DENND2B: variants seen among roughly 807,000 people sequenced by gnomAD.
The protein encoded by DENND2B is DENN domain containing 2B.
DENND2B carries 32 observed loss-of-function variants against 116.0 expected under a neutral mutation model. That is an observed-to-expected ratio of 0.28 (90% CI 0.21 to 0.37). The LOEUF (loss-of-function observed/expected upper bound fraction) is 0.37. Ranked by LOEUF, DENND2B falls within the 10% of genes least tolerant of loss-of-function variation. The pLI is 1.00. For synonymous variants in DENND2B, 588 were observed against 583.9 expected, an observed-to-expected ratio of 1.01 and a Z score of -0.10; for missense variants, 1,276 against 1,477.7, an observed-to-expected ratio of 0.86 and a Z score of 2.24.
Position 8,799,561 on chromosome 11 carries a change from C to CTTTT in DENND2B, c.-26+10952_-26+10955dup, listed in dbSNP as rs67190732. ...ACTCATGTACCATCCTCCTTTTTCTCTTTTTTTTTTTTTTTTTTTTTTAAG... is the reference window on the plus strand; with the variant it reads ...ACTCATGTACCATCCTCCTTTTTCTCTTTTTTTTTTTTTTTTTTTTTTTTTTAAG... On this transcript the variant is annotated intron_variant, in intron 1 of 19. Coordinates refer to ENST00000313726, the MANE Select transcript of DENND2B (RefSeq NM_213618.2). 2.1e-3 allele frequency among the ~76,000 whole-genome samples: 235 copies of CTTTT among 114,026 alleles called. 1 individual carries two copies. Among genetic ancestry groups the CTTTT allele is most frequent in the African/African-American group, 7.2e-3 (226 of 31,350 alleles). 74.8% of individuals were successfully genotyped at this position (114,026 alleles called of 152,430 possible).
intron 1 of DENND2B, among the ~76,000 whole-genome samples, chr11:8,774,457 C>T (rs550926357): frequency 6.6e-6 from 1 of 152,274 alleles, no homozygotes; most frequent in South Asian, 2.1e-4. Flanking sequence ...TTACAGGGAT[C>T]CATCAGAAGG....
At chr11:8,885,962 C>A (rs931558705) in intron 1 of DENND2B, among the ~76,000 whole-genome samples, 2 of 151,700 alleles carry the variant, frequency 1.3e-5, no homozygotes, top group Admixed American at 6.6e-5. Flanking sequence ...GGGGGGAGAA[C>A]AGAGTTTCAG....
intron 1 of DENND2B, among the ~76,000 whole-genome samples, chr11:8,887,612 T>G (rs2090239260): frequency 1.3e-5 from 2 of 152,314 alleles, no homozygotes; most frequent in South Asian, 4.1e-4. Flanking sequence ...ACCAGCCACA[T>G]GTTCTATTCA....
chr11:8,801,995 GAAAAAAAA>G (rs35017643), intron 1 of DENND2B, among the ~76,000 whole-genome samples: 1 of 58,910 alleles, frequency 1.7e-5, no homozygotes, highest in Non-Finnish European at 3.0e-5. Flanking sequence ...CTCTCTTGGG[GAAAAAAAA>G]AAAAAAAAAA....
intron 2 of DENND2B, among the ~76,000 whole-genome samples, chr11:8,747,771 C>A (rs769767798): frequency 9.2e-5 from 14 of 152,196 alleles, no homozygotes; most frequent in Non-Finnish European, 1.8e-4. Context: ...AAAACTGAGG[C>A]AGTCACATGA....
At chr11:8,718,250 C>A (rs2045421118) in intron 4 of DENND2B, 6 of 1,068,238 alleles carry the variant, frequency 5.6e-6, no homozygotes, top group African/African-American at 4.7e-5. Flanking sequence ...TGGCTCCCTT[C>A]CCTCTGCTGC....
intron 1 of DENND2B, among the ~76,000 whole-genome samples, chr11:8,804,184 C>G (rs2060613300): frequency 6.6e-6 from 1 of 152,218 alleles, no homozygotes; most frequent in Non-Finnish European, 1.5e-5. Context: ...ATCTCATTGG[C>G]CCCTACTCCT....
chr11:8,695,590 G>T, intron 18 of DENND2B, 41 bp from the exon 19 acceptor site: 2 of 1,586,852 alleles, frequency 1.3e-6, no homozygotes, highest in Non-Finnish European at 1.7e-6. Context: ...AACAGTCATT[G>T]GAGGAAGGGA....
At position 8,730,512 on chromosome 11, in the gene DENND2B, G is replaced by A. The variant is rs1363389249; in HGVS notation, c.778C>T (p.Leu260=). ...AAGGCGCTGGGCTCACTCCGGCCCA[G>A]CCGTTTCTCCAGCCGGTAGAAAGAG... The part of the protein sequence containing the change: ...RDSFYRLEKR[L]GRSEPSAFLR... The change falls in exon 3 of 20, where the codon CTG becomes TTG. Residue 260 remains leucine (L), a synonymous_variant. Coordinates refer to ENST00000313726, the MANE Select transcript of DENND2B (RefSeq NM_213618.2). This position sits in a 1 kb window ranked among gnomAD's most constrained non-coding sequence, Gnocchi z 4.1. 6.2e-7 allele frequency: 1 copy of A among 1,612,284 alleles called. No homozygotes were observed. Among genetic ancestry groups the A allele is most frequent in the South Asian group, 1.1e-5 (1 of 91,084 alleles).
chr11:8,713,717 A>C (rs879884812), intron 8 of DENND2B, among the ~76,000 whole-genome samples: 1 of 152,050 alleles, frequency 6.6e-6, no homozygotes, highest in Non-Finnish European at 1.5e-5. Context: ...CTAGCACCCA[A>C]CTCCCATGGA....
At chr11:8,710,787 A>ACACC in intron 11 of DENND2B, 58 bp downstream of exon 11, 1 of 1,407,290 alleles carries the variant, frequency 7.1e-7, no homozygotes, top group Non-Finnish European at 9.9e-7. Flanking sequence ...ACACACACAC[A>ACACC]CACACACCCT....
At chr11:8,904,953 A>G (rs1459164278) in intron 1 of DENND2B, among the ~76,000 whole-genome samples, 1 of 152,146 alleles carries the variant, frequency 6.6e-6, no homozygotes, top group African/African-American at 2.4e-5. Context: ...CAAAAACCCA[A>G]TATTGTTAAG....
intron 1 of DENND2B, among the ~76,000 whole-genome samples, chr11:8,753,457 A>T (rs921873889): frequency 6.6e-6 from 1 of 152,178 alleles, no homozygotes; most frequent in African/African-American, 2.4e-5. Context: ...GGATCAGAAA[A>T]TTTAATATTG....
At chr11:8,742,712 C>T (rs2050431409) in intron 2 of DENND2B, among the ~76,000 whole-genome samples, 1 of 152,232 alleles carries the variant, frequency 6.6e-6, no homozygotes, top group Admixed American at 6.5e-5. Flanking sequence ...AAAGGGCTTG[C>T]TGGTTTTCAC....
At chr11:8,763,380 T>C (rs935979720) in intron 1 of DENND2B, among the ~76,000 whole-genome samples, 1 of 152,146 alleles carries the variant, frequency 6.6e-6, no homozygotes, top group African/African-American at 2.4e-5. Context: ...GCAATTCCTT[T>C]CTTAGTTTTA....
At chr11:8,809,205 G>A (rs1475441815) in intron 1 of DENND2B, 2 of 152,224 alleles carry the variant, frequency 1.3e-5, no homozygotes, top group African/African-American at 4.8e-5. Flanking sequence ...GGACCCTCAG[G>A]CCACAACCAC....
chr11:8,900,191 C>T (rs1052840335), intron 1 of DENND2B, among the ~76,000 whole-genome samples: 65 of 151,468 alleles, frequency 4.3e-4, no homozygotes, highest in African/African-American at 1.4e-3. Flanking sequence ...TTTGGGAGGC[C>T]GAGGCGGGTA....
At position 8,712,514 on chromosome 11, in the gene DENND2B, G is replaced by A. The variant is rs761259922; in HGVS notation, c.2172+37C>T. 6.5e-7 allele frequency: 1 copy of A among 1,536,376 alleles called. No individual in the cohort carries two copies. Among genetic ancestry groups the A allele is most frequent in the African/African-American group, 1.4e-5 (1 of 72,730 alleles). ...CCTGGCGGATAGAGGATGGAAGAGG[G>A]GGAATATGGGCAAGGTGGGGAGAGA... is the stretch of plus-strand genomic sequence containing the variant. On this transcript the variant is annotated intron_variant, in intron 9 of 19. Coordinates refer to ENST00000313726, the MANE Select transcript of DENND2B (RefSeq NM_213618.2). This position sits in a 1 kb window ranked among gnomAD's most constrained non-coding sequence, Gnocchi z 4.4.
intron 3 of DENND2B, among the ~76,000 whole-genome samples, chr11:8,728,241 G>A (rs905164999): frequency 6.6e-6 from 1 of 152,072 alleles, no homozygotes; most frequent in Non-Finnish European, 1.5e-5. Flanking sequence ...GGTCTTAAAT[G>A]ATCCTCCCAC....
Sources: allele counts gnomAD v4.1 joint callset (sites outside exome capture counted in the v4.1 genomes callset), GRCh38; gene constraint gnomAD v4.1.1; non-coding constraint Gnocchi (gnomAD v3.1); transcripts MANE v1.5; gene names NCBI Gene and HGNC (gene_info 2026-07-23, HGNC 2026-07-21).